CACNB2: variants seen among roughly 807,000 people sequenced by gnomAD.
The protein encoded by CACNB2 is calcium voltage-gated channel auxiliary subunit beta 2, also known as voltage-dependent L-type calcium channel subunit beta-2.
CACNB2 carries 42 observed loss-of-function variants against 73.3 expected under a neutral mutation model. The ratio of observed to expected loss-of-function variants is 0.57; its 90% CI spans 0.45 to 0.74. The LOEUF is 0.74. Ranked by LOEUF, CACNB2 falls within the 30% of genes least tolerant of loss-of-function variation. The pLI is 0.00. For synonymous variants in CACNB2, 348 were observed against 310.3 expected, an observed-to-expected ratio of 1.12 and a Z score of -1.28; for missense variants, 940 against 853.0, an observed-to-expected ratio of 1.10 and a Z score of -1.27.
rs866894450 is a variant in CACNB2, at chr10:18,140,783, C to T, written c.47C>T (p.Ala16Val). ...AAGTCGCCTCCCACAGCGGCGGCGGCGGTGGCGCAGGAGATCCAGATGGAA... is the reference window on the plus strand; with the variant it reads ...AAGTCGCCTCCCACAGCGGCGGCGGTGGTGGCGCAGGAGATCCAGATGGAA... ...MSKSPPTAAA[A>V]VAQEIQMELL... Residue 16 changes from alanine to valine, a missense_variant, in exon 1 of 14, where the codon GCG becomes GTG. By Grantham distance (64) the Ala-to-Val change is moderately conservative. Transcript: ENST00000324631. 2.5e-6 allele frequency: 4 copies of T among 1,598,144 alleles called. No homozygotes were observed. Among genetic ancestry groups the T allele is most frequent in the Admixed American group, 1.7e-5 (1 of 57,542 alleles).
intron 2 of CACNB2, among the ~76,000 whole-genome samples, chr10:18,217,122 A>C (rs903073634): frequency 6.6e-6 from 1 of 152,154 alleles, no homozygotes; most frequent in Non-Finnish European, 1.5e-5. Flanking sequence ...CCCTGTGTGC[A>C]CCCCAGGAAA....
intron 7 of CACNB2, among the ~76,000 whole-genome samples, chr10:18,516,438 C>G (rs1375865586): frequency 6.6e-6 from 1 of 152,180 alleles, no homozygotes; most frequent in Non-Finnish European, 1.5e-5. Context: ...CTATCAAACA[C>G]TGGGCCACTT....
At chr10:18,454,848 G>A (rs2047195587) in intron 3 of CACNB2, among the ~76,000 whole-genome samples, 1 of 152,100 alleles carries the variant, frequency 6.6e-6, no homozygotes, top group South Asian at 2.1e-4. Context: ...AGGCCTGCCT[G>A]GGCAACATAG....
At chr10:18,446,055 T>C (rs888211079) in intron 3 of CACNB2, among the ~76,000 whole-genome samples, 4 of 152,048 alleles carry the variant, frequency 2.6e-5, no homozygotes, top group African/African-American at 9.7e-5. Flanking sequence ...GTGGTGGGAT[T>C]GTAGCTGAGC....
chr10:18,340,501 T>A (rs1362568107), intron 2 of CACNB2, among the ~76,000 whole-genome samples: 1 of 152,184 alleles, frequency 6.6e-6, no homozygotes, highest in Non-Finnish European at 1.5e-5. Context: ...TTATGCAACC[T>A]GTTGTTCTGT....
At chr10:18,408,449 G>C (rs2044420902) in intron 3 of CACNB2, among the ~76,000 whole-genome samples, 1 of 151,892 alleles carries the variant, frequency 6.6e-6, no homozygotes, top group Non-Finnish European at 1.5e-5. Context: ...ATGTTGGCCA[G>C]GCTGGTCTTG....
intron 2 of CACNB2, among the ~76,000 whole-genome samples, chr10:18,243,016 AAAAC>A (rs2036723652): frequency 6.6e-6 from 1 of 151,318 alleles, no homozygotes; most frequent in African/African-American, 2.4e-5. Flanking sequence ...TCAAAAAAAA[AAAAC>A]AAAAAAAAGA....
At chr10:18,335,195 T>A (rs2040953738) in intron 2 of CACNB2, among the ~76,000 whole-genome samples, 1 of 152,200 alleles carries the variant, frequency 6.6e-6, no homozygotes. Flanking sequence ...TTTCTTTTTC[T>A]ATTCTCTTAA....
At chr10:18,304,335 A>G (rs945625945) in intron 2 of CACNB2, among the ~76,000 whole-genome samples, 1 of 152,214 alleles carries the variant, frequency 6.6e-6, no homozygotes, top group African/African-American at 2.4e-5. Context: ...ATGGGCAAGT[A>G]TATTATCTCA....
At chr10:18,453,009 C>A (rs1233986384) in intron 3 of CACNB2, among the ~76,000 whole-genome samples, 3 of 152,194 alleles carry the variant, frequency 2.0e-5, no homozygotes, top group African/African-American at 7.2e-5. Flanking sequence ...GTTGCTCAAG[C>A]CGAAAGCATC....
At chr10:18,252,041 A>T (rs1035162073) in intron 2 of CACNB2, among the ~76,000 whole-genome samples, 1 of 152,268 alleles carries the variant, frequency 6.6e-6, no homozygotes, top group African/African-American at 2.4e-5. Context: ...GGGTGCCTGT[A>T]TCAGTAAATA....
At chr10:18,189,079 C>T (rs996861) in intron 2 of CACNB2, among the ~76,000 whole-genome samples, 1 of 151,976 alleles carries the variant, frequency 6.6e-6, no homozygotes, top group African/African-American at 2.4e-5. Context: ...CTCTTGCCTC[C>T]GCCTCCCAAG....
intron 1 of CACNB2, among the ~76,000 whole-genome samples, chr10:18,149,502 A>C (rs957477991): frequency 6.6e-6 from 1 of 152,222 alleles, no homozygotes; most frequent in African/African-American, 2.4e-5. Flanking sequence ...ACAAACATAT[A>C]TAAGAAAATT....
intron 2 of CACNB2, among the ~76,000 whole-genome samples, chr10:18,160,402 A>G (rs2032372049): frequency 6.6e-6 from 1 of 152,162 alleles, no homozygotes; most frequent in Non-Finnish European, 1.5e-5. Context: ...ACTCTCAGAT[A>G]TGCTTTGAAT....
chr10:18,251,759 T>C (rs533020952), intron 2 of CACNB2, among the ~76,000 whole-genome samples: 4 of 152,220 alleles, frequency 2.6e-5, no homozygotes, highest in African/African-American at 9.6e-5. Flanking sequence ...CATCTTACCA[T>C]GGTGGAAAAG....
intron 10 of CACNB2, among the ~76,000 whole-genome samples, chr10:18,532,694 AAACAAAAC>A (rs2053173170): frequency 4.9e-5 from 4 of 81,988 alleles, no homozygotes; most frequent in African/African-American, 1.5e-4. Context: ...AAAAAAAAAA[AAACAAAAC>A]AAAAAAACAA....
At chr10:18,212,842 A>G (rs1232528420) in intron 2 of CACNB2, among the ~76,000 whole-genome samples, 2 of 152,250 alleles carry the variant, frequency 1.3e-5, no homozygotes, top group African/African-American at 4.8e-5. Context: ...AAACAATTAC[A>G]AATCACCAGA....
chr10:18,527,048 C>G (rs1035100374), intron 9 of CACNB2, among the ~76,000 whole-genome samples: 21 of 152,324 alleles, frequency 1.4e-4, no homozygotes, highest in Admixed American at 7.8e-4. Context: ...CAGTACTTAT[C>G]TGACACTTGT....
rs945504169 is a variant in CACNB2, at chr10:18,528,940, A to G, written c.1054+1243A>G. Among the ~76,000 whole-genome samples the G allele has an allele frequency of 2.0e-5, 3 of 152,080 alleles. No homozygotes were observed. In the East Asian group the frequency reaches 5.8e-4, roughly 29 times the overall value. ...ACTGCACCTTGACCTCATGGGCTCA[A>G]TCAAACCTCCCACCTCAGCCTCCTG... On this transcript the variant is annotated intron_variant, in intron 10 of 13. Coordinates refer to ENST00000324631, the MANE Select transcript of CACNB2 (RefSeq NM_201596.3).
Sources: allele counts gnomAD v4.1 joint callset (sites outside exome capture counted in the v4.1 genomes callset), GRCh38; gene constraint gnomAD v4.1.1; transcripts MANE v1.5; gene names NCBI Gene and HGNC (gene_info 2026-07-23, HGNC 2026-07-21).